The following NEIL3 variants were observed in gnomAD, a reference collection of about 807,000 sequenced individuals.
NEIL3 encodes nei like DNA glycosylase 3.
NEIL3 carries 48 observed loss-of-function variants against 57.5 expected under a neutral mutation model. The ratio of observed to expected loss-of-function variants is 0.83; its 90% confidence interval spans 0.66 to 1.06. The LOEUF (loss-of-function observed/expected upper bound fraction) is 1.06, where lower values mean the gene tolerates loss of function less well. Among genes scored for constraint, NEIL3 ranks in the 50% least tolerant of loss-of-function variants. NEIL3 has a pLI of 0.00. For synonymous variants in NEIL3, 261 were observed against 253.2 expected, an observed-to-expected ratio of 1.03 and a Z score of -0.29; for missense variants, 717 against 739.1, an observed-to-expected ratio of 0.97 and a Z score of 0.35.
At chr4:177,323,304 T>G (rs1734722160) in intron 2 of NEIL3, among the ~76,000 whole-genome samples, 1 of 152,242 alleles carries the variant, frequency 6.6e-6, no homozygotes, top group Non-Finnish European at 1.5e-5. Flanking sequence ...AAATTGATAC[T>G]GCTTCCTCAA....
At position 177,353,304 on chromosome 4, in the gene NEIL3, C is replaced by T. The variant is rs1735399280; in HGVS notation, c.1040-4C>T. 6.2e-7 allele frequency: 1 copy of T among 1,603,242 alleles called. No homozygotes were observed. Among genetic ancestry groups the T allele is most frequent in the Non-Finnish European group, 8.5e-7 (1 of 1,176,410 alleles). On this transcript the variant is annotated splice_polypyrimidine_tract_variant and splice_region_variant and intron_variant, in intron 7 of 9. Transcript: ENST00000264596. ...ATTGCAGAATTACTTCTCTCTCCTT[C>T]CAGATTCAGTGCTCAAGAGTGAAGA...
At chr4:177,339,412 A>C (rs993565800) in intron 4 of NEIL3, among the ~76,000 whole-genome samples, 1 of 152,188 alleles carries the variant, frequency 6.6e-6, no homozygotes, top group Non-Finnish European at 1.5e-5. Context: ...AGCTATGATG[A>C]TGCTGCTGCA....
chr4:177,357,050 G>T (rs1735487514), intron 8 of NEIL3: 1 of 152,178 alleles, frequency 6.6e-6, no homozygotes, highest in South Asian at 2.1e-4. Flanking sequence ...TGCAAGTACT[G>T]ACACCATGTC....
chr4:177,326,359 T>C (rs1734780007), intron 2 of NEIL3, among the ~76,000 whole-genome samples: 1 of 152,194 alleles, frequency 6.6e-6, no homozygotes, highest in Non-Finnish European at 1.5e-5. Context: ...TATGTATGGG[T>C]CTATTTCTGA....
In NEIL3 at chr4:177,315,381, A is replaced by T. The variant is rs112494856; in HGVS notation, c.156+5272A>T. 8.4e-3 allele frequency among the ~76,000 whole-genome samples: 1,273 copies of T among 152,346 alleles called. 20 individuals carry two copies. The highest frequency in any genetic ancestry group is 0.029 in the African/African-American group (1,210 of 41,574). On this transcript the variant is annotated intron_variant, in intron 1 of 9. Transcript: ENST00000264596. ...GAAAATGGGAAGGTGAACCCTTCTC[A>T]ATCATACCTAAACTTGTGTCAAAGG...
intron 1 of NEIL3, among the ~76,000 whole-genome samples, chr4:177,311,674 C>CAA (rs763838033): frequency 6.2e-4 from 36 of 58,422 alleles, no homozygotes; most frequent in Admixed American, 9.3e-4. Flanking sequence ...AACTCTGTCT[C>CAA]AAAAAAAAAA....
chr4:177,320,998 T>G (rs1734674845), intron 1 of NEIL3, among the ~76,000 whole-genome samples: 2 of 151,942 alleles, frequency 1.3e-5, no homozygotes, highest in African/African-American at 4.8e-5. Flanking sequence ...TATCTCTCTT[T>G]GAGCTAAGTA....
intron 8 of NEIL3, 125 bp from the exon 9 acceptor site, chr4:177,360,378 T>C: frequency 1.7e-6 from 1 of 596,576 alleles, no homozygotes. Flanking sequence ...GACCTAATGT[T>C]AACGAGGTCC....
intron 8 of NEIL3, among the ~76,000 whole-genome samples, chr4:177,357,457 A>G (rs925106563): frequency 1.3e-5 from 2 of 152,172 alleles, no homozygotes; most frequent in African/African-American, 4.8e-5. Context: ...TGGCCCAGGG[A>G]AGCCAAGATT....
the NEIL3 span, among the ~76,000 whole-genome samples, chr4:177,368,348 T>C: frequency 6.6e-6 from 1 of 152,236 alleles, no homozygotes; most frequent in South Asian, 2.1e-4. Flanking sequence ...AAGGTACTTA[T>C]CATTGTATAT....
chr4:177,324,269 A>G (rs1394711717), intron 2 of NEIL3, among the ~76,000 whole-genome samples: 2 of 152,144 alleles, frequency 1.3e-5, no homozygotes, highest in South Asian at 2.1e-4. Context: ...GATAGAGCAT[A>G]TAGCAGGAAA....
rs527543002 is a variant in NEIL3, at chr4:177,362,763, T to C, written c.*292T>C. 11 of 206,686 alleles carry C rather than the reference T, an allele frequency of 5.3e-5. No individual in the cohort carries two copies. In the South Asian group the frequency reaches 1.3e-3, roughly 25 times the overall value. 12.8% of individuals were successfully genotyped at this position (206,686 alleles called of 1,614,324 possible). A position where few individuals can be genotyped will look rare whatever the true frequency, so the allele number is the denominator to read the frequency against. On this transcript the variant is annotated 3_prime_UTR_variant, in exon 10 of 10. Transcript: ENST00000264596. ...TAAAGTGTTTTTAGTATGCTTTTAG[T>C]CTCTTGTAACTGGGGAGAAGCAGTG...
chr4:177,310,167 C>T (rs2111105825), intron 1 of NEIL3, 58 bp downstream of exon 1: 9 of 1,443,930 alleles, frequency 6.2e-6, no homozygotes, highest in Admixed American at 3.2e-5. Context: ...AATAAAGACC[C>T]CATCAGGGTT....
intron 4 of NEIL3, among the ~76,000 whole-genome samples, chr4:177,338,857 AT>A (rs34647259): frequency 4.2e-4 from 62 of 148,328 alleles, no homozygotes; most frequent in Middle Eastern, 3.4e-3. Context: ...GTTCTTGGTA[AT>A]TTTTTTTTTT....
intron 6 of NEIL3, among the ~76,000 whole-genome samples, chr4:177,349,834 G>A (rs1735314793): frequency 6.6e-6 from 1 of 152,094 alleles, no homozygotes; most frequent in African/African-American, 2.4e-5. Context: ...GAAACTTTTA[G>A]GACAGAAGAA....
At chr4:177,338,749 A>T (rs1381423788) in intron 4 of NEIL3, among the ~76,000 whole-genome samples, 1 of 152,248 alleles carries the variant, frequency 6.6e-6, no homozygotes, top group African/African-American at 2.4e-5. Flanking sequence ...ATATTAATGC[A>T]TGTATAGAAA....
chr4:177,338,694 G>C (rs772927090), intron 4 of NEIL3, among the ~76,000 whole-genome samples: 1 of 152,224 alleles, frequency 6.6e-6, no homozygotes, highest in Non-Finnish European at 1.5e-5. Context: ...AAATTCTTCA[G>C]TAAGGTCTGT....
intron 1 of NEIL3, among the ~76,000 whole-genome samples, chr4:177,314,838 G>T (rs1734542761): frequency 6.6e-6 from 1 of 152,140 alleles, no homozygotes; most frequent in East Asian, 1.9e-4. Context: ...AGCACTTTGG[G>T]AGGCTGAGGC....
downstream of NEIL3, among the ~76,000 whole-genome samples, chr4:177,366,248 A>G (rs1326084782): frequency 6.6e-6 from 1 of 152,228 alleles, no homozygotes; most frequent in Non-Finnish European, 1.5e-5. Flanking sequence ...TGACAACTAT[A>G]TCATCAAGGA....
Sources: allele counts gnomAD v4.1 joint callset (sites outside exome capture counted in the v4.1 genomes callset), GRCh38; gene constraint gnomAD v4.1.1; transcripts MANE v1.5; gene names NCBI Gene and HGNC (gene_info 2026-07-23, HGNC 2026-07-21).